PCDHGA7: variants seen among roughly 807,000 people sequenced by gnomAD.
PCDHGA7 encodes protocadherin gamma subfamily A, 7.
Under a neutral mutation model 58.3 loss-of-function variants are expected in PCDHGA7, and 44 were observed. That is an observed-to-expected ratio of 0.75 (90% CI 0.59 to 0.97). The LOEUF (loss-of-function observed/expected upper bound fraction) is 0.97, where lower values mean the gene tolerates loss of function less well. PCDHGA7 is among the 50% of genes least tolerant of loss of function. PCDHGA7 has a pLI of 0.00. For synonymous variants in PCDHGA7, 516 were observed against 504.2 expected, an observed-to-expected ratio of 1.02 and a Z score of -0.31; for missense variants, 1,266 against 1,188.7, an observed-to-expected ratio of 1.06 and a Z score of -0.96.
intron 1 of PCDHGA7, chr5:141,389,425 C>T (rs1464186383): frequency 3.1e-6 from 5 of 1,613,500 alleles, no homozygotes; most frequent in Admixed American, 1.7e-5. Flanking sequence ...GTGGTGTTCG[C>T]GCAGCGCGCC....
At chr5:141,507,680 A>C (rs73794928) in intron 3 of PCDHGA7, among the ~76,000 whole-genome samples, 2,806 of 152,362 alleles carry the variant, frequency 0.018, 91 homozygotes, top group African/African-American at 0.063. Flanking sequence ...GATGTTAAAA[A>C]CAGAAATGAA....
At chr5:141,494,890 C>A (rs1483157263) in intron 2 of PCDHGA7, 25 bp downstream of exon 2, 1 of 1,614,120 alleles carries the variant, frequency 6.2e-7, no homozygotes. Context: ...CTCCAGCCCA[C>A]CCTCTTCTCT....
At chr5:141,414,241 C>T in intron 1 of PCDHGA7, 1 of 1,613,472 alleles carries the variant, frequency 6.2e-7, no homozygotes, top group Non-Finnish European at 8.5e-7. Context: ...CATCACGTCT[C>T]TATTTAGTCC....
chr5:141,452,360 C>A (rs1045666881), intron 1 of PCDHGA7, among the ~76,000 whole-genome samples: 3 of 152,172 alleles, frequency 2.0e-5, no homozygotes, highest in Non-Finnish European at 4.4e-5. Flanking sequence ...AAAAGCCTTG[C>A]TTCATTTTAG....
Position 141,491,663 on chromosome 5 carries a change from T to G in PCDHGA7, c.2425-3144T>G, listed in dbSNP as rs895604632. ...GCTCTGGCGCTGGAGCCTGACGCCA[T>G]CCGGTCCCGCTCTAATACGCTGCGG... On this transcript the variant is annotated intron_variant, in intron 1 of 3. Coordinates refer to ENST00000518325, the MANE Select transcript of PCDHGA7 (RefSeq NM_018920.4). The surrounding 1 kb of genome is among the most constrained non-coding windows in gnomAD (Gnocchi z 6.9). The G allele has an allele frequency of 3.1e-6, 5 of 1,613,650 alleles. No homozygotes were observed. Among genetic ancestry groups the G allele is most frequent in the Non-Finnish European group, 4.2e-6 (5 of 1,180,014 alleles).
intron 1 of PCDHGA7, among the ~76,000 whole-genome samples, chr5:141,483,689 G>A (rs1234666254): frequency 6.6e-6 from 1 of 152,022 alleles, no homozygotes; most frequent in Non-Finnish European, 1.5e-5. Flanking sequence ...CAGAAAGCCA[G>A]ATTCCTCTTT....
chr5:141,442,149 T>C, intron 1 of PCDHGA7: 1 of 159,274 alleles, frequency 6.3e-6, no homozygotes, highest in Non-Finnish European at 1.4e-5. Flanking sequence ...CTGCCAGACC[T>C]CAGCGATCAC....
chr5:141,495,108 C>G (rs1304714928), intron 2 of PCDHGA7, among the ~76,000 whole-genome samples: 1 of 152,176 alleles, frequency 6.6e-6, no homozygotes, highest in Admixed American at 6.5e-5. Context: ...ACGACCGGCA[C>G]CTTTTCCTAT....
intron 1 of PCDHGA7, among the ~76,000 whole-genome samples, chr5:141,451,780 C>T (rs988572200): frequency 6.6e-6 from 1 of 152,016 alleles, no homozygotes; most frequent in Non-Finnish European, 1.5e-5. Flanking sequence ...ACTCAGGAGG[C>T]TGAGGCCAGA....
chr5:141,472,980 C>CAAAAAAAAAAAAAAAAAAAGAAAAAAAAA (rs60579131), intron 1 of PCDHGA7, among the ~76,000 whole-genome samples: 1 of 86,106 alleles, frequency 1.2e-5, no homozygotes, highest in Admixed American at 1.2e-4. Context: ...GAGTGAAACT[C>CAAAAAAAAAAAAAAAAAAAGAAAAAAAAA]AAAAAAAAAA....
chr5:141,399,682 G>C, intron 1 of PCDHGA7: 2 of 1,613,512 alleles, frequency 1.2e-6, no homozygotes, highest in Non-Finnish European at 1.7e-6. Context: ...CTTTGACTAC[G>C]AGCAGCTGCG....
intron 1 of PCDHGA7, chr5:141,412,213 C>T (rs1467971455): frequency 6.6e-6 from 1 of 152,224 alleles, no homozygotes; most frequent in Non-Finnish European, 1.5e-5. Context: ...TTGACATAAA[C>T]ACTTACTTGT....
chr5:141,506,435 G>A (rs1470687416), intron 3 of PCDHGA7, among the ~76,000 whole-genome samples: 7 of 126,234 alleles, frequency 5.5e-5, no homozygotes, highest in African/African-American at 2.0e-4. Context: ...CAACAGTCTC[G>A]CTCTGTCTCA....
chr5:141,423,310 G>C, intron 1 of PCDHGA7: 2 of 1,614,180 alleles, frequency 1.2e-6, no homozygotes, highest in Non-Finnish European at 1.7e-6. Context: ...GCTGTACTTG[G>C]TGGTGGCGGT....
chr5:141,394,184 C>G, intron 1 of PCDHGA7: 1 of 1,613,944 alleles, frequency 6.2e-7, no homozygotes, highest in Non-Finnish European at 8.5e-7. Context: ...ATGCCTCCTA[C>G]TCAGCGTATA....
At chr5:141,505,816 C>A (rs1236221927) in intron 3 of PCDHGA7, among the ~76,000 whole-genome samples, 2 of 152,178 alleles carry the variant, frequency 1.3e-5, no homozygotes, top group African/African-American at 4.8e-5. Flanking sequence ...CTTGCTCAAT[C>A]TCTCTAAACC....
intron 1 of PCDHGA7, chr5:141,430,640 G>A (rs902915974): frequency 1.1e-6 from 1 of 916,196 alleles, no homozygotes; most frequent in East Asian, 2.7e-5. Flanking sequence ...ATCCCTGGGA[G>A]TATGTGGAAA....
Position 141,489,826 on chromosome 5 carries a change from C to G in PCDHGA7, c.2425-4981C>G. On this transcript the variant is annotated intron_variant, in intron 1 of 3. Transcript: ENST00000518325. This position sits in a 1 kb window ranked among gnomAD's most constrained non-coding sequence, Gnocchi z 4.5. The stretch of plus-strand genomic sequence containing the variant: ...TGGGAAGCCATTCCCAGAGCTGGTG[C>G]TAGAGCAGCAGCTGGATCGTGAAGC... 1 of 1,614,186 alleles carries G rather than the reference C, an allele frequency of 6.2e-7. No homozygotes were observed. The highest frequency in any genetic ancestry group is 8.5e-7 in the Non-Finnish European group (1 of 1,179,988).
Position 141,404,829 on chromosome 5 carries a change from T to C in PCDHGA7, c.2424+19506T>C. Reference sequence around the variant, plus strand: ...TCGGTGGGGCTGCACACAGGTGAAGTGCGCACAGCTCGGGCCCTGCTAGAT... The same window carrying C: ...TCGGTGGGGCTGCACACAGGTGAAGCGCGCACAGCTCGGGCCCTGCTAGAT... On this transcript the variant is annotated intron_variant, in intron 1 of 3. Transcript: ENST00000518325. 1.9e-6 allele frequency: 3 copies of C among 1,608,020 alleles called. No individual in the cohort carries two copies. The South Asian group carries it at 3.3e-5, about 18-fold the overall frequency.
Sources: gnomAD v4.1 joint callset for allele counts (sites outside exome capture counted in the v4.1 genomes callset) on GRCh38, gnomAD v4.1.1 for gene constraint, Gnocchi (gnomAD v3.1) non-coding constraint, MANE v1.5 for transcripts, NCBI Gene and HGNC (gene_info 2026-07-23, HGNC 2026-07-21) for gene names.